CACNA1A: variants seen among roughly 807,000 people sequenced by gnomAD.
The protein encoded by CACNA1A is calcium voltage-gated channel subunit alpha1 A.
A neutral mutation model predicts 262.4 loss-of-function variants in CACNA1A; 57 were observed. That is an observed-to-expected ratio of 0.22 (90% CI 0.18 to 0.27). The LOEUF (loss-of-function observed/expected upper bound fraction) is 0.27, where lower values mean the gene tolerates loss of function less well. Among genes scored for constraint, CACNA1A ranks in the 10% least tolerant of loss-of-function variants. The pLI, the probability that CACNA1A is intolerant of heterozygous loss-of-function variation, is 1.00. For missense variants in CACNA1A, 2,526 were observed against 3,562.8 expected (o/e 0.71, Z 7.41); for synonymous variants, 1,431 against 1,419.3 (o/e 1.01, Z -0.18).
At chr19:13,416,068 G>C (rs2144762464) in intron 3 of CACNA1A, among the ~76,000 whole-genome samples, 1 of 152,276 alleles carries the variant, frequency 6.6e-6, no homozygotes, top group South Asian at 2.1e-4. Context: ...CACTTGAAGT[G>C]CAGCCTGTGT....
At chr19:13,444,382 C>T (rs932566755) in intron 3 of CACNA1A, among the ~76,000 whole-genome samples, 2 of 152,052 alleles carry the variant, frequency 1.3e-5, no homozygotes, top group Non-Finnish European at 2.9e-5. Context: ...CATGTGAAGG[C>T]AACTAAGAGC....
intron 1 of CACNA1A, among the ~76,000 whole-genome samples, chr19:13,497,539 T>A (rs1480305681): frequency 3.2e-4 from 2 of 6,300 alleles, no homozygotes; most frequent in Non-Finnish European, 5.0e-4. Context: ...TATATATATA[T>A]ATATATATAT....
chr19:13,302,981 G>A (rs2057818816), intron 17 of CACNA1A, among the ~76,000 whole-genome samples: 1 of 152,172 alleles, frequency 6.6e-6, no homozygotes, highest in Admixed American at 6.5e-5. Context: ...TAACTTAATA[G>A]GGTCCTTGGG....
chr19:13,474,865 T>C lies in CACNA1A; in HGVS notation c.294-19653A>G, dbSNP rs568723103. On this transcript the variant is annotated intron_variant, in intron 1 of 46. Coordinates refer to ENST00000360228, the MANE Select transcript of CACNA1A (RefSeq NM_001127222.2). ...TTAAAACAGACATTCCTTCACCCCT[T>C]AGCAGACACTAAGTGACCAGAGAAG... Among the ~76,000 whole-genome samples the C allele has an allele frequency of 2.0e-4, 30 of 151,258 alleles. No individual in the cohort carries two copies. In the South Asian group the frequency reaches 6.0e-3, roughly 30 times the overall value.
intron 38 of CACNA1A, among the ~76,000 whole-genome samples, chr19:13,219,127 T>C (rs866851395): frequency 6.7e-6 from 1 of 149,958 alleles, no homozygotes; most frequent in Non-Finnish European, 1.5e-5. Flanking sequence ...CTGCAACCTC[T>C]GCCTCCTGGG....
chr19:13,349,046 A>G, intron 6 of CACNA1A, among the ~76,000 whole-genome samples: 1 of 145,310 alleles, frequency 6.9e-6, no homozygotes, highest in African/African-American at 2.5e-5. Context: ...AAAGAGAGAG[A>G]GGGAAAAAGA....
chr19:13,459,735 G>A (rs1022451108), intron 1 of CACNA1A, among the ~76,000 whole-genome samples: 7 of 152,144 alleles, frequency 4.6e-5, no homozygotes, highest in Admixed American at 4.6e-4. Flanking sequence ...ACGCGCTTCT[G>A]CCATCCCACT....
chr19:13,239,181 C>A (rs1003656142), intron 31 of CACNA1A, among the ~76,000 whole-genome samples: 2 of 152,030 alleles, frequency 1.3e-5, no homozygotes, highest in Non-Finnish European at 2.9e-5. Context: ...ACAATATAGC[C>A]CCGCCCTCCC....
chr19:13,322,299 G>A (rs2058272032), intron 10 of CACNA1A, among the ~76,000 whole-genome samples: 1 of 151,954 alleles, frequency 6.6e-6, no homozygotes, highest in South Asian at 2.1e-4. Context: ...TATGAACTGA[G>A]GAACACCAAG....
At chr19:13,295,646 C>T (rs984760062) in intron 19 of CACNA1A, among the ~76,000 whole-genome samples, 1 of 151,926 alleles carries the variant, frequency 6.6e-6, no homozygotes, top group Non-Finnish European at 1.5e-5. Context: ...CACCTGCCGC[C>T]ACACCTGGCT....
intron 1 of CACNA1A, among the ~76,000 whole-genome samples, chr19:13,456,396 G>A (rs548505696): frequency 5.3e-5 from 8 of 152,324 alleles, no homozygotes; most frequent in Non-Finnish European, 1.2e-4. Flanking sequence ...TTTACGGCCA[G>A]GTGTGGTGGC....
chr19:13,208,604 G>A (rs1355565846), intron 46 of CACNA1A, among the ~76,000 whole-genome samples, 152 bp downstream of exon 46: 7 of 152,190 alleles, frequency 4.6e-5, no homozygotes, highest in East Asian at 1.9e-4. Context: ...TCCGGCCGCC[G>A]GGCACCCCGG....
chr19:13,253,310 C>T (rs1476830509), intron 29 of CACNA1A, among the ~76,000 whole-genome samples: 2 of 102,074 alleles, frequency 2.0e-5, no homozygotes, highest in African/African-American at 7.3e-5. Context: ...AAAAACCTCC[C>T]CCAACCTTTT....
intron 38 of CACNA1A, among the ~76,000 whole-genome samples, chr19:13,218,452 T>A (rs1329331141): frequency 7.9e-5 from 12 of 152,196 alleles, no homozygotes; most frequent in Admixed American, 7.9e-4. Context: ...GTGCGTGTTG[T>A]CACACACTGC....
Position 13,455,112 on chromosome 19 carries a change from G to A in CACNA1A, c.394C>T (p.Arg132Trp). The change falls in exon 2 of 47, where the codon CGG (arginine) becomes TGG (tryptophan). Residue 132 changes from arginine to tryptophan, a missense_variant. Transcript: ENST00000360228. ...TGAGAAAAGACATCACTCACCAGCC[G>A]TTCAGACATCGGGGTCTTGTCATCA... The part of the protein sequence containing the change: ...PDDDKTPMSE[R>W]LDDTEPYFIG... The A allele has an allele frequency of 2.5e-6, 4 of 1,598,100 alleles. No homozygotes were observed. The highest frequency in any genetic ancestry group is 3.4e-6 in the Non-Finnish European group (4 of 1,165,852).
intron 5 of CACNA1A, chr19:13,365,099 A>T: frequency 2.5e-6 from 1 of 397,986 alleles, no homozygotes; most frequent in Non-Finnish European, 4.5e-6. Context: ...ATTCCCAAAT[A>T]AACTCTTTCT....
At chr19:13,282,057 G>A (rs2057305050) in intron 22 of CACNA1A, among the ~76,000 whole-genome samples, 1 of 152,340 alleles carries the variant, frequency 6.6e-6, no homozygotes, top group East Asian at 1.9e-4. Flanking sequence ...ACCAGGCTGC[G>A]GGAAGCAACT....
intron 19 of CACNA1A, among the ~76,000 whole-genome samples, chr19:13,288,206 C>T (rs1393567817): frequency 1.3e-5 from 2 of 151,362 alleles, no homozygotes; most frequent in South Asian, 2.1e-4. Context: ...AAATGAATAC[C>T]CCCATTTTCT....
chr19:13,391,500 A>G (rs2059709017), intron 3 of CACNA1A, among the ~76,000 whole-genome samples: 1 of 152,154 alleles, frequency 6.6e-6, no homozygotes, highest in Admixed American at 6.5e-5. Context: ...GTTTTCTTAA[A>G]TAAAGAGGAG....
Sources: allele counts gnomAD v4.1 joint callset (sites outside exome capture counted in the v4.1 genomes callset), GRCh38; gene constraint gnomAD v4.1.1; transcripts MANE v1.5; gene names NCBI Gene and HGNC (gene_info 2026-07-23, HGNC 2026-07-21).